The following CCDC138 variants were observed in gnomAD, a reference collection of about 807,000 sequenced individuals.
CCDC138 encodes coiled-coil domain-containing protein 138.
Under a neutral mutation model 82.3 loss-of-function variants are expected in CCDC138, and 66 were observed. That is an observed-to-expected ratio of 0.80 (90% CI 0.66 to 0.98). The LOEUF is 0.98. Ranked by LOEUF, CCDC138 falls within the 50% of genes least tolerant of loss-of-function variation. The pLI, the probability that CCDC138 is intolerant of heterozygous loss-of-function variation, is 0.00. For missense variants in CCDC138, 816 were observed against 758.9 expected, an observed-to-expected ratio of 1.08 and a Z score of -0.88; for synonymous variants, 297 against 265.4, an observed-to-expected ratio of 1.12 and a Z score of -1.16.
chr2:108,868,355 A>T (rs1553435888), intron 13 of CCDC138, among the ~76,000 whole-genome samples: 1 of 152,188 alleles, frequency 6.6e-6, no homozygotes, highest in African/African-American at 2.4e-5. Context: ...TCTTTCTCAA[A>T]TTGAAGATTT....
intron 10 of CCDC138, among the ~76,000 whole-genome samples, chr2:108,827,289 C>A (rs951008961): frequency 6.6e-6 from 1 of 152,114 alleles, no homozygotes; most frequent in African/African-American, 2.4e-5. Flanking sequence ...AGCAAAAAAT[C>A]TTCCAAATAC....
intron 10 of CCDC138, among the ~76,000 whole-genome samples, chr2:108,834,439 A>G (rs1195945520): frequency 6.6e-6 from 1 of 151,326 alleles, no homozygotes; most frequent in African/African-American, 2.4e-5. Flanking sequence ...GGTATTGAAC[A>G]GCTGACCTTA....
intron 9 of CCDC138, among the ~76,000 whole-genome samples, chr2:108,814,991 G>A (rs1308986223): frequency 2.6e-5 from 4 of 152,050 alleles, no homozygotes; most frequent in Admixed American, 2.0e-4. Context: ...GTGGATATGT[G>A]TAGTGGTATC....
chr2:108,864,074 C>G (rs973390576), intron 13 of CCDC138, among the ~76,000 whole-genome samples: 2 of 152,042 alleles, frequency 1.3e-5, no homozygotes, highest in African/African-American at 4.8e-5. Flanking sequence ...ATGTGTTACA[C>G]TAGTGTGTAA....
intron 2 of CCDC138, chr2:108,883,126 A>G (rs1052924030): frequency 1.3e-5 from 2 of 152,192 alleles, no homozygotes; most frequent in African/African-American, 4.8e-5. Context: ...CAAAGCCTTT[A>G]GATATGTGTA....
At chr2:108,795,779 T>A (rs991751172) in intron 5 of CCDC138, among the ~76,000 whole-genome samples, 5 of 152,130 alleles carry the variant, frequency 3.3e-5, no homozygotes, top group Admixed American at 2.6e-4. Flanking sequence ...TGAAAAGCAG[T>A]GATTGTCCAA....
intron 2 of CCDC138, chr2:108,884,887 C>G (rs758199211): frequency 7.9e-4 from 119 of 151,396 alleles, no homozygotes; most frequent in Non-Finnish European, 1.0e-3. Context: ...TGAAACACCT[C>G]TGCTCTGTGG....
At chr2:108,855,699 C>T (rs950726011) in intron 12 of CCDC138, among the ~76,000 whole-genome samples, 2 of 152,126 alleles carry the variant, frequency 1.3e-5, no homozygotes, top group African/African-American at 4.8e-5. Context: ...CTTACTTTCT[C>T]AAAATAGTTT....
intron 3 of CCDC138, 178 bp from the exon 4 acceptor site, chr2:108,791,477 GATGCTTGTAGTGGGTTATCA>G: frequency 1.7e-6 from 1 of 597,416 alleles, no homozygotes; most frequent in Non-Finnish European, 3.1e-6. Context: ...TGTAGAAAAA[GATGCTTGTAGTGGGTTATCA>G]ATGATCAGTG....
intron 13 of CCDC138, among the ~76,000 whole-genome samples, chr2:108,871,370 TA>T (rs59725353): frequency 0.57 from 44,091 of 77,064 alleles, 10,990 homozygotes; most frequent in East Asian, 0.71. Flanking sequence ...CCAACTCTAT[TA>T]AAAAAAAAAA....
chr2:108,793,854 G>A (rs6542779), intron 4 of CCDC138, among the ~76,000 whole-genome samples: 7,103 of 151,456 alleles, frequency 0.047, 557 homozygotes, highest in African/African-American at 0.16. Flanking sequence ...CGCCCGCCTC[G>A]GCCTCCCAAA....
chr2:108,848,929 A>G (rs2150688923), intron 12 of CCDC138, among the ~76,000 whole-genome samples: 1 of 152,342 alleles, frequency 6.6e-6, no homozygotes, highest in African/African-American at 2.4e-5. Flanking sequence ...TACAGATGAT[A>G]GAATTAGTAG....
chr2:108,818,814 T>C (rs547289973), intron 10 of CCDC138, among the ~76,000 whole-genome samples: 1 of 151,388 alleles, frequency 6.6e-6, no homozygotes, highest in Admixed American at 6.6e-5. Flanking sequence ...CTTTGGAAAC[T>C]TCTGACTTTT....
At position 108,804,806 on chromosome 2, in the gene CCDC138, T is replaced by G. The variant is rs1044490393; in HGVS notation, c.736-83T>G. The G allele has an allele frequency of 2.4e-6, 3 of 1,271,912 alleles. No homozygotes were observed. In the African/African-American group the frequency reaches 4.6e-5, roughly 19 times the overall value. The allele number at this position is 1,271,912 out of a possible 1,614,324, so 78.8% of individuals were successfully genotyped here. Reference sequence around the variant, plus strand: ...TTTTTGTGATTGAAGGAGTTCTTACTTGTAATTAATTCACGTTCCATAGTA... The same window carrying G: ...TTTTTGTGATTGAAGGAGTTCTTACGTGTAATTAATTCACGTTCCATAGTA... On this transcript the variant is annotated intron_variant, in intron 6 of 14. Coordinates refer to ENST00000295124, the MANE Select transcript of CCDC138 (RefSeq NM_144978.3).
At chr2:108,821,283 G>C (rs1012257901) in intron 10 of CCDC138, among the ~76,000 whole-genome samples, 12 of 152,098 alleles carry the variant, frequency 7.9e-5, no homozygotes, top group African/African-American at 2.9e-4. Context: ...TCTTGAACCT[G>C]GGAGGCAGAG....
intron 10 of CCDC138, among the ~76,000 whole-genome samples, chr2:108,821,191 C>T (rs1276424180): frequency 6.6e-6 from 1 of 152,068 alleles, no homozygotes; most frequent in Non-Finnish European, 1.5e-5. Context: ...AACCCCATCT[C>T]TACTAAAAGT....
intron 10 of CCDC138, among the ~76,000 whole-genome samples, chr2:108,829,841 T>C (rs1411961389): frequency 6.6e-6 from 1 of 152,170 alleles, no homozygotes; most frequent in African/African-American, 2.4e-5. Flanking sequence ...GAATGTAAAA[T>C]GCAGCTGCTG....
At chr2:108,792,782 C>T (rs980563940) in intron 4 of CCDC138, among the ~76,000 whole-genome samples, 22 of 152,138 alleles carry the variant, frequency 1.4e-4, no homozygotes, top group Admixed American at 3.3e-4. Context: ...CACTGAGCGT[C>T]GGCCAGGCGC....
chr2:108,794,697 A>C lies in CCDC138; in HGVS notation c.552A>C (p.Leu184Phe). 5.6e-6 allele frequency: 9 copies of C among 1,612,772 alleles called. No individual in the cohort carries two copies. The highest frequency in any genetic ancestry group is 7.6e-6 in the Non-Finnish European group (9 of 1,179,370). ...PHQISQIYDE[L>F]FQIHLKLQCE... ...AGATCAGTCAGATATATGACGAATTATTTCAGATACATCTGAAATTGCAGG... is the reference window on the plus strand; with the variant it reads ...AGATCAGTCAGATATATGACGAATTCTTTCAGATACATCTGAAATTGCAGG... Residue 184 changes from leucine (L) to phenylalanine (F), a missense_variant, in exon 5 of 15, where the codon TTA becomes TTC. Leu to Phe is a conservative substitution (Grantham distance 22). Transcript: ENST00000295124.
Sources: allele counts gnomAD v4.1 joint callset (sites outside exome capture counted in the v4.1 genomes callset), GRCh38; gene constraint gnomAD v4.1.1; transcripts MANE v1.5; gene names NCBI Gene and HGNC (gene_info 2026-07-23, HGNC 2026-07-21).